FAM241A: variants seen among roughly 807,000 people sequenced by gnomAD.
The protein encoded by FAM241A is family with sequence similarity 241 member A.
Under a neutral mutation model 12.2 loss-of-function variants are expected in FAM241A, and 7 were observed. The observed-to-expected ratio is 0.58, with a 90% CI of 0.33 to 1.08. The LOEUF (loss-of-function observed/expected upper bound fraction) is 1.08. Among genes scored for constraint, FAM241A ranks in the 50% least tolerant of loss-of-function variants. FAM241A has a pLI of 0.04. For missense variants in FAM241A, 161 were observed against 169.7 expected, an observed-to-expected ratio of 0.95 and a Z score of 0.29; for synonymous variants, 74 against 68.2, an observed-to-expected ratio of 1.08 and a Z score of -0.42.
intron 1 of FAM241A, chr4:112,171,597 C>T (rs560528807): frequency 1.5e-4 from 91 of 612,832 alleles, no homozygotes; most frequent in South Asian, 8.6e-4. Flanking sequence ...CGGTGGCTCA[C>T]GCCTGTGATC....
At chr4:112,170,939 G>A (rs956558923) in intron 1 of FAM241A, among the ~76,000 whole-genome samples, 4 of 150,148 alleles carry the variant, frequency 2.7e-5, no homozygotes, top group Admixed American at 1.3e-4. Context: ...TAGTCTTTGT[G>A]CCAACTTCTA....
chr4:112,163,995 G>A (rs779171828), intron 1 of FAM241A, among the ~76,000 whole-genome samples: 6 of 151,170 alleles, frequency 4.0e-5, no homozygotes, highest in Admixed American at 6.6e-5. Context: ...ACCATCATTC[G>A]GAGCAAACTG....
At position 112,184,231 on chromosome 4, in the gene FAM241A, A is replaced by T. The variant is rs72893070; in HGVS notation, c.154-2462A>T. 3.6e-3 allele frequency among the ~76,000 whole-genome samples: 550 copies of T among 152,320 alleles called. 3 individuals carry two copies. Among genetic ancestry groups the T allele is most frequent in the African/African-American group, 0.013 (524 of 41,560 alleles). ...GAAGTGAAAATCCAAAAGTAATTTT[A>T]AAAATTATATAAAATAGGCCGGGCA... is the stretch of plus-strand genomic sequence containing the variant. On this transcript the variant is annotated intron_variant, in intron 1 of 1. Transcript: ENST00000309733.
At chr4:112,176,728 T>G (rs912556527) in intron 1 of FAM241A, among the ~76,000 whole-genome samples, 1 of 152,224 alleles carries the variant, frequency 6.6e-6, no homozygotes, top group African/African-American at 2.4e-5. Flanking sequence ...TATGTATGTC[T>G]TTAATCATGG....
At chr4:112,177,958 A>G (rs965317198) in intron 1 of FAM241A, among the ~76,000 whole-genome samples, 1 of 152,100 alleles carries the variant, frequency 6.6e-6, no homozygotes, top group Non-Finnish European at 1.5e-5. Context: ...TTTTTTGCAT[A>G]GTATGTTATT....
rs1007267880 is a variant in FAM241A, at chr4:112,192,537, C to T, written c.*5599C>T. ...ACAGTCCCCAGAGTGTGATGTTCCC[C>T]TTCCTGTGTCCATGTGTTCTCATTG... On this transcript the variant is annotated 3_prime_UTR_variant, in exon 2 of 2. Coordinates refer to ENST00000309733, the MANE Select transcript of FAM241A (RefSeq NM_152400.3). The T allele has an allele frequency of 6.8e-6, 1 of 146,122 alleles. No homozygotes were observed. Among genetic ancestry groups the T allele is most frequent in the African/African-American group, 2.6e-5 (1 of 39,148 alleles). 9.1% of individuals were successfully genotyped at this position (146,122 alleles called of 1,614,324 possible).
rs369703251 is a variant in FAM241A, at chr4:112,145,577, C to T, written c.-4C>T. ...TGTCCGGGGCGGTAGGAGTTGGCTGCGGGATGTGCTCAGCCGGGGAGCTGC... is the reference window on the plus strand; with the variant it reads ...TGTCCGGGGCGGTAGGAGTTGGCTGTGGGATGTGCTCAGCCGGGGAGCTGC... On this transcript the variant is annotated 5_prime_UTR_variant, in exon 1 of 2. Coordinates refer to ENST00000309733, the MANE Select transcript of FAM241A (RefSeq NM_152400.3). 7 of 1,248,366 alleles carry T rather than the reference C, an allele frequency of 5.6e-6. No homozygotes were observed. The South Asian group carries it at 1.5e-4, about 26-fold the overall frequency. The allele number at this position is 1,248,366 out of a possible 1,614,324, so 77.3% of individuals were successfully genotyped here.
At chr4:112,176,687 T>C (rs974365967) in intron 1 of FAM241A, among the ~76,000 whole-genome samples, 1 of 152,326 alleles carries the variant, frequency 6.6e-6, no homozygotes, top group Non-Finnish European at 1.5e-5. Flanking sequence ...TTAAGAAGGA[T>C]TTTGAATCAG....
chr4:112,165,425 A>G (rs758549339), intron 1 of FAM241A, among the ~76,000 whole-genome samples: 9 of 149,718 alleles, frequency 6.0e-5, no homozygotes, highest in African/African-American at 1.2e-4. Flanking sequence ...AAGAAAGGAA[A>G]TTAGTATCTC....
chr4:112,191,167 G>A lies in FAM241A; in HGVS notation c.*4229G>A, dbSNP rs1170453940. 1 of 151,910 alleles carries A rather than the reference G, an allele frequency of 6.6e-6. No homozygotes were observed. Among genetic ancestry groups the A allele is most frequent in the Non-Finnish European group, 1.5e-5 (1 of 68,036 alleles). 9.4% of individuals were successfully genotyped at this position (151,910 alleles called of 1,614,324 possible). ...TTCCCTAACTGCTCAAGCAGGAGTT[G>A]TAGATGACATCCTTGACTCTGTGTT... On this transcript the variant is annotated 3_prime_UTR_variant, in exon 2 of 2. Transcript: ENST00000309733.
At chr4:112,164,647 GAAAC>G (rs1394954959) in intron 1 of FAM241A, among the ~76,000 whole-genome samples, 1 of 152,016 alleles carries the variant, frequency 6.6e-6, no homozygotes, top group Admixed American at 6.6e-5. Flanking sequence ...CACAGCAAAA[GAAAC>G]AATCAAGTGA....
chr4:112,152,737 T>C (rs1723269378), intron 1 of FAM241A, among the ~76,000 whole-genome samples: 1 of 152,178 alleles, frequency 6.6e-6, no homozygotes, highest in Admixed American at 6.5e-5. Context: ...AGCTGAGCAT[T>C]ATGAAACAAT....
chr4:112,164,769 T>C (rs970037890), intron 1 of FAM241A, among the ~76,000 whole-genome samples: 10 of 152,168 alleles, frequency 6.6e-5, no homozygotes, highest in Non-Finnish European at 1.5e-4. Context: ...AAATGTCTAA[T>C]AATTCAATTT....
chr4:112,165,514 C>T (rs1020421276), intron 1 of FAM241A, among the ~76,000 whole-genome samples: 7 of 152,188 alleles, frequency 4.6e-5, no homozygotes, highest in African/African-American at 1.7e-4. Context: ...AATTGTCCAT[C>T]AACAGATGAA....
intron 1 of FAM241A, among the ~76,000 whole-genome samples, chr4:112,162,843 G>A (rs750948816): frequency 1.1e-4 from 17 of 152,250 alleles, no homozygotes; most frequent in East Asian, 1.9e-4. Flanking sequence ...AAAAGAGCCC[G>A]CATTGCCAAG....
chr4:112,187,052 G>A lies in FAM241A; in HGVS notation c.*114G>A. 1 of 1,200,340 alleles carries A rather than the reference G, an allele frequency of 8.3e-7. No homozygotes were observed. The highest frequency in any genetic ancestry group is 1.2e-6 in the Non-Finnish European group (1 of 851,364). The allele number at this position is 1,200,340 out of a possible 1,614,324, so 74.4% of individuals were successfully genotyped here. Reference sequence around the variant, plus strand: ...TTTGCCTTGTTTCAAATCATGTGCTGGCTGTTTTGTAAGTAAATTTATACA... The same window carrying A: ...TTTGCCTTGTTTCAAATCATGTGCTAGCTGTTTTGTAAGTAAATTTATACA... On this transcript the variant is annotated 3_prime_UTR_variant, in exon 2 of 2. Transcript: ENST00000309733.
chr4:112,151,273 A>G (rs2110419415), intron 1 of FAM241A, among the ~76,000 whole-genome samples: 1 of 152,154 alleles, frequency 6.6e-6, no homozygotes. Context: ...CCCTCTTGCC[A>G]TGTGACACTG....
chr4:112,147,450 A>C (rs1723162955), intron 1 of FAM241A, among the ~76,000 whole-genome samples: 1 of 152,222 alleles, frequency 6.6e-6, no homozygotes, highest in African/African-American at 2.4e-5. Flanking sequence ...AATAAGCAAA[A>C]AATTGGTGCA....
At chr4:112,163,907 A>G (rs956368113) in intron 1 of FAM241A, among the ~76,000 whole-genome samples, 4 of 152,258 alleles carry the variant, frequency 2.6e-5, no homozygotes, top group Non-Finnish European at 5.9e-5. Flanking sequence ...AATGTGGCAC[A>G]TGTACACCAT....
Sources: gnomAD v4.1 joint callset for allele counts (sites outside exome capture counted in the v4.1 genomes callset) on GRCh38, gnomAD v4.1.1 for gene constraint, MANE v1.5 for transcripts, NCBI Gene and HGNC (gene_info 2026-07-23, HGNC 2026-07-21) for gene names.